MAPK8: variants seen among roughly 807,000 people sequenced by gnomAD.
The protein encoded by MAPK8 is JUN N-terminal kinase.
A neutral mutation model predicts 52.9 loss-of-function variants in MAPK8; 13 were observed. The observed-to-expected ratio is 0.25, with a 90% CI of 0.16 to 0.39. The LOEUF is 0.39. MAPK8 is among the 10% of genes least tolerant of loss of function. The probability of loss-of-function intolerance (pLI) is 1.00; values close to 1 mark genes in which losing one functional copy is unlikely to be tolerated. For synonymous variants in MAPK8, 191 were observed against 169.8 expected, an observed-to-expected ratio of 1.12 and a Z score of -0.97; for missense variants, 300 against 519.2, an observed-to-expected ratio of 0.58 and a Z score of 4.10.
chr10:48,349,482 A>G (rs1208273478), intron 1 of MAPK8, among the ~76,000 whole-genome samples: 1 of 152,222 alleles, frequency 6.6e-6, no homozygotes, highest in Non-Finnish European at 1.5e-5. Flanking sequence ...AAAACCACAC[A>G]ACTACATGGA....
intron 1 of MAPK8, among the ~76,000 whole-genome samples, chr10:48,314,985 C>G (rs559897940): frequency 3.0e-4 from 45 of 152,326 alleles, no homozygotes; most frequent in Middle Eastern, 3.4e-3. Flanking sequence ...GCCACCTTTA[C>G]CATTTACAAA....
intron 1 of MAPK8, among the ~76,000 whole-genome samples, chr10:48,354,273 A>C (rs956222992): frequency 2.0e-5 from 3 of 152,242 alleles, no homozygotes; most frequent in Non-Finnish European, 4.4e-5. Flanking sequence ...TGTGACATTT[A>C]AACTGGTTTT....
chr10:48,313,870 C>G (rs868665712), intron 1 of MAPK8, among the ~76,000 whole-genome samples: 54 of 152,252 alleles, frequency 3.5e-4, no homozygotes, highest in African/African-American at 1.3e-3. Context: ...ATTCTCCTGC[C>G]TCAGCCTCCT....
At chr10:48,350,038 A>T (rs1241091526) in intron 1 of MAPK8, among the ~76,000 whole-genome samples, 3 of 152,364 alleles carry the variant, frequency 2.0e-5, no homozygotes, top group Non-Finnish European at 4.4e-5. Flanking sequence ...AAATTCCTGG[A>T]CACATATAGC....
intron 1 of MAPK8, among the ~76,000 whole-genome samples, chr10:48,319,907 C>T (rs1433072389): frequency 6.6e-6 from 1 of 151,644 alleles, no homozygotes; most frequent in East Asian, 2.0e-4. Context: ...TACTTCGTTT[C>T]TGTTTTTTTT....
intron 6 of MAPK8, among the ~76,000 whole-genome samples, chr10:48,422,014 T>TTTATC (rs2133204142): frequency 1.4e-5 from 1 of 71,698 alleles, no homozygotes; most frequent in Admixed American, 1.3e-4. Flanking sequence ...ATCTTATTTA[T>TTTATC]TTATTTATTT....
chr10:48,373,651 CAAAG>C (rs1400914269), intron 1 of MAPK8, among the ~76,000 whole-genome samples: 5 of 122,876 alleles, frequency 4.1e-5, no homozygotes, highest in African/African-American at 1.6e-4. Flanking sequence ...TCAAAAGAGA[CAAAG>C]AAGGGCATTA....
chr10:48,432,605 C>G (rs1289720387), intron 11 of MAPK8, among the ~76,000 whole-genome samples: 1 of 152,142 alleles, frequency 6.6e-6, no homozygotes, highest in Non-Finnish European at 1.5e-5. Flanking sequence ...GATGGAGGCT[C>G]AGGTGGGATT....
chr10:48,342,080 T>C (rs902849213), intron 1 of MAPK8, among the ~76,000 whole-genome samples: 7 of 152,196 alleles, frequency 4.6e-5, no homozygotes, highest in Non-Finnish European at 1.0e-4. Flanking sequence ...CACACAAGAC[T>C]GAGTACAAGT....
chr10:48,398,476 A>G (rs1353523371), intron 1 of MAPK8, among the ~76,000 whole-genome samples: 1 of 152,184 alleles, frequency 6.6e-6, no homozygotes, highest in Non-Finnish European at 1.5e-5. Context: ...GAACAACTGG[A>G]CCTCTCACAT....
intron 1 of MAPK8, among the ~76,000 whole-genome samples, chr10:48,328,282 A>G (rs1843729908): frequency 6.7e-6 from 1 of 148,490 alleles, no homozygotes; most frequent in Non-Finnish European, 1.5e-5. Context: ...AGTTTTATTT[A>G]TATTTTCAAT....
intron 1 of MAPK8, among the ~76,000 whole-genome samples, chr10:48,344,670 C>T (rs189694648): frequency 6.6e-6 from 1 of 152,044 alleles, no homozygotes; most frequent in Non-Finnish European, 1.5e-5. Flanking sequence ...CTTCTATAAG[C>T]AAGGCTACAG....
At chr10:48,322,731 G>A (rs546874545) in intron 1 of MAPK8, among the ~76,000 whole-genome samples, 8 of 152,180 alleles carry the variant, frequency 5.3e-5, no homozygotes, top group Non-Finnish European at 7.4e-5. Context: ...TCTCAGCCAC[G>A]TCTTTGGAAT....
intron 1 of MAPK8, among the ~76,000 whole-genome samples, chr10:48,350,160 C>T (rs574170176): frequency 3.3e-5 from 5 of 152,236 alleles, no homozygotes; most frequent in East Asian, 3.9e-4. Context: ...CAGGACCAGA[C>T]GGATTCACAG....
chr10:48,402,138 G>T (rs1009170171), intron 2 of MAPK8, among the ~76,000 whole-genome samples: 3 of 152,124 alleles, frequency 2.0e-5, no homozygotes, highest in Non-Finnish European at 4.4e-5. Flanking sequence ...GAGCATTTTA[G>T]ATTTCATATT....
intron 1 of MAPK8, among the ~76,000 whole-genome samples, chr10:48,318,753 G>A (rs917863894): frequency 6.6e-6 from 1 of 152,166 alleles, no homozygotes; most frequent in Non-Finnish European, 1.5e-5. Flanking sequence ...AGGGGAGTAA[G>A]GGTACGTACT....
intron 1 of MAPK8, among the ~76,000 whole-genome samples, chr10:48,371,579 A>G (rs1390281258): frequency 1.2e-4 from 19 of 152,110 alleles, no homozygotes; most frequent in Admixed American, 1.2e-3. Context: ...ATAATCATAC[A>G]AGACAGAATA....
chr10:48,428,197 A>G (rs2043829315), intron 10 of MAPK8, among the ~76,000 whole-genome samples: 1 of 152,234 alleles, frequency 6.6e-6, no homozygotes, highest in Non-Finnish European at 1.5e-5. Flanking sequence ...AATGTGGCTG[A>G]AATTAATCAT....
chr10:48,359,499 G>T (rs752067271), intron 1 of MAPK8, among the ~76,000 whole-genome samples: 1 of 152,052 alleles, frequency 6.6e-6, no homozygotes. Flanking sequence ...AGTTTGGGGG[G>T]CTAGCCCTAT....
Sources: allele counts gnomAD v4.1 joint callset (sites outside exome capture counted in the v4.1 genomes callset), GRCh38; gene constraint gnomAD v4.1.1; transcripts MANE v1.5; gene names NCBI Gene and HGNC (gene_info 2026-07-23, HGNC 2026-07-21).